Variants in EML6 observed in about 807,000 individuals in gnomAD.
The protein encoded by EML6 is EMAP like 6.
A neutral mutation model predicts 240.1 loss-of-function variants in EML6; 154 were observed. The observed-to-expected ratio is 0.64, with a 90% CI of 0.56 to 0.73. The LOEUF is 0.73. Among genes scored for constraint, EML6 ranks in the 30% least tolerant of loss-of-function variants. The pLI is 0.00. For missense variants in EML6, 2,964 were observed against 2,474.6 expected (o/e 1.20, Z -4.20); for synonymous variants, 1,148 against 899.0 (o/e 1.28, Z -4.95).
intron 8 of EML6, among the ~76,000 whole-genome samples, chr2:54,846,923 A>ATTTTTT (rs34352060): frequency 0.096 from 12,461 of 129,792 alleles, 1,076 homozygotes; most frequent in South Asian, 0.16. Context: ...ATGAAGTAGT[A>ATTTTTT]TTTTTTTTTT....
At chr2:54,894,443 C>G (rs755766221) in intron 19 of EML6, among the ~76,000 whole-genome samples, 2 of 152,146 alleles carry the variant, frequency 1.3e-5, no homozygotes, top group Non-Finnish European at 2.9e-5. Context: ...AGTACCTAAG[C>G]TACTCTTAAT....
intron 7 of EML6, among the ~76,000 whole-genome samples, chr2:54,838,501 G>A (rs1669271746): frequency 1.3e-5 from 2 of 152,148 alleles, no homozygotes; most frequent in Non-Finnish European, 2.9e-5. Context: ...ATATTTAACT[G>A]TTCAAAATAA....
chr2:54,840,782 A>T (rs1669402511), intron 7 of EML6, among the ~76,000 whole-genome samples: 1 of 152,222 alleles, frequency 6.6e-6, no homozygotes, highest in Non-Finnish European at 1.5e-5. Context: ...AAACTGATAA[A>T]ACTCTCTTCA....
intron 2 of EML6, among the ~76,000 whole-genome samples, chr2:54,808,187 C>G (rs1363927265): frequency 3.3e-5 from 5 of 152,180 alleles, no homozygotes; most frequent in African/African-American, 1.2e-4. Flanking sequence ...TCTGTGGTGT[C>G]AAGATCACAG....
At chr2:54,927,149 C>T (rs994459842) in intron 26 of EML6, among the ~76,000 whole-genome samples, 1 of 152,206 alleles carries the variant, frequency 6.6e-6, no homozygotes, top group Non-Finnish European at 1.5e-5. Flanking sequence ...TCTGGAGGGC[C>T]TCCTGGAAAT....
At chr2:54,877,976 A>G (rs191681617) in intron 16 of EML6, among the ~76,000 whole-genome samples, 34 of 152,374 alleles carry the variant, frequency 2.2e-4, no homozygotes, top group African/African-American at 7.0e-4. Flanking sequence ...AAGCATGGGC[A>G]TTGGTTAGCA....
Position 54,863,906 on chromosome 2 carries a change from C to T in EML6, c.1932+17C>T. The stretch of plus-strand genomic sequence containing the variant: ...GATCGCCAGGTCGGTAAGCAGGGAG[C>T]AATGAAAATTTGTAACCCCAGAAGG... On this transcript the variant is annotated intron_variant, in intron 13 of 41. Transcript: ENST00000356458. 5 of 1,434,016 alleles carry T rather than the reference C, an allele frequency of 3.5e-6. No individual in the cohort carries two copies. Among genetic ancestry groups the T allele is most frequent in the South Asian group, 1.3e-5 (1 of 78,174 alleles). The allele number at this position is 1,434,016 out of a possible 1,614,324, so 88.8% of individuals were successfully genotyped here. A position where few individuals can be genotyped will look rare whatever the true frequency, so the allele number is the denominator to read the frequency against.
At chr2:54,958,136 T>C in intron 33 of EML6, 138 bp downstream of exon 33, 1 of 686,618 alleles carries the variant, frequency 1.5e-6, no homozygotes, top group Non-Finnish European at 2.4e-6. Flanking sequence ...TGTACTGGCT[T>C]ATCTGCAACC....
chr2:54,769,374 G>A (rs1016464899), intron 2 of EML6, among the ~76,000 whole-genome samples: 28 of 152,158 alleles, frequency 1.8e-4, no homozygotes, highest in African/African-American at 6.5e-4. Flanking sequence ...CCATGCACCT[G>A]ATCTATGATG....
chr2:54,775,676 T>C (rs1269806397), intron 2 of EML6, among the ~76,000 whole-genome samples: 2 of 152,184 alleles, frequency 1.3e-5, no homozygotes, highest in Non-Finnish European at 2.9e-5. Flanking sequence ...TGCTTATTGC[T>C]ATATCCCCAG....
At chr2:54,877,479 TA>T (rs1671571834) in intron 16 of EML6, among the ~76,000 whole-genome samples, 1 of 151,864 alleles carries the variant, frequency 6.6e-6, no homozygotes, top group Non-Finnish European at 1.5e-5. Context: ...CTTATGATAT[TA>T]AAAAAGGAGA....
intron 5 of EML6, among the ~76,000 whole-genome samples, chr2:54,820,764 G>A (rs1411065008): frequency 6.6e-6 from 1 of 152,156 alleles, no homozygotes; most frequent in Non-Finnish European, 1.5e-5. Flanking sequence ...TTTTAAAACA[G>A]TGCTTATTTT....
chr2:54,737,173 ACTTAT>A (rs1185477422), intron 2 of EML6, among the ~76,000 whole-genome samples: 3 of 152,214 alleles, frequency 2.0e-5, no homozygotes, highest in African/African-American at 7.2e-5. Context: ...AAGAGAATGT[ACTTAT>A]CTTAGAAGAT....
At chr2:54,766,849 C>A (rs1668205405) in intron 2 of EML6, among the ~76,000 whole-genome samples, 1 of 152,036 alleles carries the variant, frequency 6.6e-6, no homozygotes. Context: ...AGAATTATCT[C>A]CTAATTGTCT....
In EML6 at chr2:54,916,866, C is replaced by T; in HGVS notation, c.3606C>T (p.Thr1202=). ...DITDVNAASL[T]KDCSLLATGD... ...CTGACGTAAATGCTGCCAGTCTTAC[C>T]AAAGACTGTTCCCTTTTAGCCACCG... is the stretch of plus-strand genomic sequence containing the variant. The change falls in exon 26 of 42, where the codon ACC becomes ACT. Residue 1202 remains threonine, a synonymous_variant. Transcript: ENST00000356458. 1.3e-6 allele frequency: 2 copies of T among 1,550,498 alleles called. No homozygotes were observed. Among genetic ancestry groups the T allele is most frequent in the Non-Finnish European group, 8.7e-7 (1 of 1,146,062 alleles).
At chr2:54,861,769 G>GTT (rs761153394) in intron 12 of EML6, among the ~76,000 whole-genome samples, 2 of 121,986 alleles carry the variant, frequency 1.6e-5, no homozygotes, top group Admixed American at 8.1e-5. Flanking sequence ...GAGGTTTTTT[G>GTT]TTTTTTTTTT....
rs1294467070 is a variant in EML6, at chr2:54,950,708, A to G, written c.4142A>G (p.His1381Arg). Residue 1381 changes from histidine to arginine, a missense_variant, in exon 30 of 42, where the codon CAT becomes CGT. By Grantham distance (29) the His-to-Arg change is conservative (BLOSUM62 0). Transcript: ENST00000356458. ...YRGFDCRNNL[H>R]YLNDGADIIF... ...GGTTTCGACTGTCGAAATAACCTGC[A>G]TTACCTTAATGATGGCGCTGACATC... 6 of 1,551,516 alleles carry G rather than the reference A, an allele frequency of 3.9e-6. No individual in the cohort carries two copies. The highest frequency in any genetic ancestry group is 5.2e-6 in the Non-Finnish European group (6 of 1,146,988).
intron 7 of EML6, among the ~76,000 whole-genome samples, chr2:54,838,779 C>T (rs776796132): frequency 2.0e-5 from 3 of 152,228 alleles, no homozygotes; most frequent in East Asian, 1.9e-4. Flanking sequence ...CCAAGCTCCA[C>T]GTTTCTCATC....
intron 28 of EML6, 140 bp from the exon 29 acceptor site, chr2:54,948,742 G>A: frequency 6.1e-6 from 4 of 657,846 alleles, no homozygotes; most frequent in Non-Finnish European, 8.0e-6. Flanking sequence ...AGGAGGGCAG[G>A]ACTGAACAGA....
Sources: gnomAD v4.1 joint callset for allele counts (sites outside exome capture counted in the v4.1 genomes callset) on GRCh38, gnomAD v4.1.1 for gene constraint, MANE v1.5 for transcripts, NCBI Gene and HGNC (gene_info 2026-07-23, HGNC 2026-07-21) for gene names.